The following TPCN1 variants were observed in gnomAD, a reference collection of about 807,000 sequenced individuals.
TPCN1 encodes the protein two pore segment channel 1, also known as two pore channel protein 1.
Under a neutral mutation model 108.8 loss-of-function variants are expected in TPCN1, and 52 were observed. That is an observed-to-expected ratio of 0.48 (90% CI 0.38 to 0.60). The LOEUF (loss-of-function observed/expected upper bound fraction) is 0.60. Ranked by LOEUF, TPCN1 falls within the 20% of genes least tolerant of loss-of-function variation. TPCN1 has a pLI of 0.00. For missense variants in TPCN1, 806 were observed against 1,072.8 expected (o/e 0.75, Z 3.47); for synonymous variants, 446 against 433.7 (o/e 1.03, Z -0.35).
rs1011994874 is a variant in TPCN1, at chr12:113,231,190, C to G, written c.112+4226C>G. Among the ~76,000 whole-genome samples, 3 of 152,230 alleles carry G rather than the reference C, an allele frequency of 2.0e-5. No homozygotes were observed. The highest frequency in any genetic ancestry group is 2.9e-5 in the Non-Finnish European group (2 of 68,040). ...CTTCTCAGCACTGTACCTCCACGCT[C>G]CATGTCTGGTTGGGCACCCCTAACA... On this transcript the variant is annotated intron_variant, in intron 2 of 27. Coordinates refer to ENST00000335509, the MANE Select transcript of TPCN1 (RefSeq NM_017901.6). This position sits in a 1 kb window ranked among gnomAD's most constrained non-coding sequence, Gnocchi z 4.3.
intron 15 of TPCN1, among the ~76,000 whole-genome samples, chr12:113,283,503 G>A (rs1955962343): frequency 1.3e-5 from 2 of 151,804 alleles, no homozygotes; most frequent in African/African-American, 4.8e-5. Flanking sequence ...GCGTGGTGGT[G>A]TGCACCTGTG....
chr12:113,273,191 C>G lies in TPCN1; in HGVS notation c.784-41C>G. The G allele has an allele frequency of 6.2e-7, 1 of 1,602,350 alleles. No individual in the cohort carries two copies. Among genetic ancestry groups the G allele is most frequent in the African/African-American group, 1.3e-5 (1 of 74,780 alleles). On this transcript the variant is annotated intron_variant, in intron 8 of 27. Transcript: ENST00000335509. The surrounding 1 kb of genome is among the most constrained non-coding windows in gnomAD (Gnocchi z 4.0). ...AGCCTGTTCCTGATGGCCGTGTGCT[C>G]TTGGCTGGTCCCGACTTCTCTGCCC...
intron 7 of TPCN1, among the ~76,000 whole-genome samples, chr12:113,270,432 G>C (rs1955445941): frequency 6.6e-6 from 1 of 151,998 alleles, no homozygotes; most frequent in African/African-American, 2.4e-5. Flanking sequence ...GTCCTCACGT[G>C]GTGGAAGGTG....
chr12:113,249,567 C>T (rs909379222), intron 2 of TPCN1: 6 of 152,254 alleles, frequency 3.9e-5, no homozygotes, highest in African/African-American at 1.4e-4. Flanking sequence ...ACCTGACAGT[C>T]GTTGCTTCTA....
Sources: gnomAD v4.1 joint callset for allele counts (sites outside exome capture counted in the v4.1 genomes callset) on GRCh38, gnomAD v4.1.1 for gene constraint, Gnocchi (gnomAD v3.1) non-coding constraint, MANE v1.5 for transcripts, NCBI Gene and HGNC (gene_info 2026-07-23, HGNC 2026-07-21) for gene names.